Variants in LDLRAD4 observed in about 807,000 individuals in gnomAD.
The protein encoded by LDLRAD4 is low density lipoprotein receptor class A domain containing 4, also known as low-density lipoprotein receptor class A domain-containing protein 4.
In LDLRAD4, 5 loss-of-function variants were observed where a neutral mutation model predicts 17.0. That is an observed-to-expected ratio of 0.29 (90% CI 0.15 to 0.62). The LOEUF (loss-of-function observed/expected upper bound fraction) is 0.62, where lower values mean the gene tolerates loss of function less well. Ranked by LOEUF, LDLRAD4 falls within the 20% of genes least tolerant of loss-of-function variation. The probability of loss-of-function intolerance (pLI) is 0.84; values close to 1 mark genes in which losing one functional copy is unlikely to be tolerated. For synonymous variants in LDLRAD4, 168 were observed against 171.8 expected (o/e 0.98, Z 0.17); for missense variants, 340 against 424.7 (o/e 0.80, Z 1.75).
At chr18:13,432,743 G>T (rs1228960501) in intron 2 of LDLRAD4, among the ~76,000 whole-genome samples, 2 of 152,138 alleles carry the variant, frequency 1.3e-5, no homozygotes, top group African/African-American at 2.4e-5. Flanking sequence ...AAGAGACAGG[G>T]TCTGGCTCTG....
intron 1 of LDLRAD4, chr18:13,279,353 C>T (rs919354058): frequency 1.3e-5 from 2 of 152,220 alleles, no homozygotes; most frequent in African/African-American, 2.4e-5. Context: ...TTTGGCACAC[C>T]CACCGCCAGT....
intron 5 of LDLRAD4, chr18:13,644,671 C>A (rs2149005825): frequency 6.5e-6 from 1 of 154,742 alleles, no homozygotes; most frequent in African/African-American, 2.4e-5. Flanking sequence ...CTGGCAGGGA[C>A]CTGAGAAAGC....
chr18:13,583,423 C>T (rs997291080), intron 3 of LDLRAD4, among the ~76,000 whole-genome samples: 13 of 152,004 alleles, frequency 8.6e-5, no homozygotes, highest in Middle Eastern at 3.4e-3. Context: ...AGGGGAGGGA[C>T]GTGGTGGTCA....
intron 3 of LDLRAD4, among the ~76,000 whole-genome samples, chr18:13,578,396 A>G (rs1036572121): frequency 1.3e-5 from 2 of 152,176 alleles, no homozygotes; most frequent in African/African-American, 2.4e-5. Flanking sequence ...TTGTCTCAGG[A>G]GATGGGGATG....
At chr18:13,218,196 C>T (rs2041258399), upstream of LDLRAD4, 1 of 152,306 alleles carries the variant, frequency 6.6e-6, no homozygotes, top group African/African-American at 2.4e-5. Flanking sequence ...GAACCGGACG[C>T]TTTGGGAACT....
In LDLRAD4 at chr18:13,529,789, T is replaced by C. The variant is rs149750712; in HGVS notation, c.182-91328T>C. Among the ~76,000 whole-genome samples the C allele has an allele frequency of 5.9e-4, 90 of 152,352 alleles. 1 individual carries two copies. The highest frequency in any genetic ancestry group is 1.9e-3 in the Admixed American group (29 of 15,306). On this transcript the variant is annotated intron_variant, in intron 3 of 5. Transcript: ENST00000359446. ...GCGTTCTGATGTCCTTAAACTTGTG[T>C]TTCATCCACATAGGCTGTCCACAGA...
intron 1 of LDLRAD4, among the ~76,000 whole-genome samples, chr18:13,309,030 G>A (rs1240558649): frequency 6.6e-6 from 1 of 152,198 alleles, no homozygotes. Context: ...AAAATAGTAA[G>A]ATATTCTTAC....
In LDLRAD4 at chr18:13,398,590, G is replaced by A. The variant is rs1051664527; in HGVS notation, c.40+10828G>A. ...CTGTGGGTGGGTAACGAGGGTCTCA[G>A]TTTTGGCTTAAGGACAGGTTTCGAA... On this transcript the variant is annotated intron_variant, in intron 2 of 5. Transcript: ENST00000359446. The surrounding 1 kb of genome is among the most constrained non-coding windows in gnomAD (Gnocchi z 4.8). Among the ~76,000 whole-genome samples the A allele has an allele frequency of 3.9e-5, 6 of 152,122 alleles. No homozygotes were observed. Among genetic ancestry groups the A allele is most frequent in the East Asian group, 3.9e-4 (2 of 5,182 alleles).
At chr18:13,403,295 A>C (rs1180213956) in intron 2 of LDLRAD4, among the ~76,000 whole-genome samples, 4 of 152,194 alleles carry the variant, frequency 2.6e-5, no homozygotes, top group African/African-American at 9.7e-5. Flanking sequence ...AAATGAGTTA[A>C]TAATAACTGT....
chr18:13,629,831 T>TG (rs2041505517), intron 4 of LDLRAD4, among the ~76,000 whole-genome samples: 2 of 151,178 alleles, frequency 1.3e-5, no homozygotes, highest in African/African-American at 4.9e-5. Flanking sequence ...TAACTCTGGG[T>TG]GGCCCCTGTT....
chr18:13,583,710 C>T (rs1041302404), intron 3 of LDLRAD4, among the ~76,000 whole-genome samples: 5 of 152,124 alleles, frequency 3.3e-5, no homozygotes, highest in African/African-American at 1.2e-4. Flanking sequence ...CATTCACTGA[C>T]AAGTAGTGTT....
At chr18:13,497,637 G>A (rs189710710) in intron 3 of LDLRAD4, among the ~76,000 whole-genome samples, 85 of 152,240 alleles carry the variant, frequency 5.6e-4, no homozygotes, top group Non-Finnish European at 6.8e-4. Flanking sequence ...TTTGTAAGAA[G>A]GTGCAAGTGG....
chr18:13,610,305 T>TTTTTTTTTCTA (rs1491536129), intron 3 of LDLRAD4, among the ~76,000 whole-genome samples: 2 of 24,328 alleles, frequency 8.2e-5, no homozygotes, highest in Non-Finnish European at 1.7e-4. Flanking sequence ...TTTTTTTTTT[T>TTTTTTTTTCTA]GAGACGGAGT....
At position 13,621,829 on chromosome 18, in the gene LDLRAD4, C is replaced by T. The variant is rs953389925; in HGVS notation, c.336+558C>T. On this transcript the variant is annotated intron_variant, in intron 4 of 5. Coordinates refer to ENST00000359446, the Ensembl canonical transcript of LDLRAD4. The surrounding 1 kb of genome is among the most constrained non-coding windows in gnomAD (Gnocchi z 5.5). Reference sequence around the variant, plus strand: ...GGCTTGTCAGCGGTGGGCTTGTCGGCGGTAGGGTTGTCGGCGGTGGGTTGT... The same window carrying T: ...GGCTTGTCAGCGGTGGGCTTGTCGGTGGTAGGGTTGTCGGCGGTGGGTTGT... 5.3e-5 allele frequency among the ~76,000 whole-genome samples: 7 copies of T among 133,092 alleles called. No homozygotes were observed. Among genetic ancestry groups the T allele is most frequent in the African/African-American group, 1.1e-4 (4 of 35,702 alleles). The allele number at this position is 133,092 out of a possible 152,430, so 87.3% of individuals were successfully genotyped here.
intron 1 of LDLRAD4, among the ~76,000 whole-genome samples, chr18:13,297,033 GGGTTTGC>G (rs60868765): frequency 0.066 from 10,041 of 152,270 alleles, 340 homozygotes; most frequent in South Asian, 0.085. Flanking sequence ...GGGTTCTCGT[GGGTTTGC>G]GGGAGATGGT....
chr18:13,523,890 T>G (rs2049467517), intron 3 of LDLRAD4, among the ~76,000 whole-genome samples: 1 of 152,232 alleles, frequency 6.6e-6, no homozygotes, highest in East Asian at 1.9e-4. Context: ...TCTCTCTGGG[T>G]CTCTAGCATT....
intron 3 of LDLRAD4, among the ~76,000 whole-genome samples, chr18:13,502,904 T>G (rs1321536069): frequency 2.0e-5 from 3 of 152,206 alleles, no homozygotes; most frequent in African/African-American, 7.2e-5. Flanking sequence ...TGGAGGTCAG[T>G]GCACACAGCG....
At chr18:13,220,165 G>C (rs1257389568) in intron 1 of LDLRAD4, among the ~76,000 whole-genome samples, 2 of 152,190 alleles carry the variant, frequency 1.3e-5, no homozygotes, top group Admixed American at 1.3e-4. Flanking sequence ...ATCTTTGAAA[G>C]CTTAATTCTT....
chr18:13,612,285 G>C, intron 3 of LDLRAD4: 1 of 1,018,512 alleles, frequency 9.8e-7, no homozygotes, highest in Non-Finnish European at 1.2e-6. Context: ...AACCTGAGAA[G>C]TGCAGACTGC....
Sources: gnomAD v4.1 joint callset for allele counts (sites outside exome capture counted in the v4.1 genomes callset) on GRCh38, gnomAD v4.1.1 for gene constraint, Gnocchi (gnomAD v3.1) non-coding constraint, MANE v1.5 for transcripts, NCBI Gene and HGNC (gene_info 2026-07-23, HGNC 2026-07-21) for gene names.